The following COL26A1 variants were observed in gnomAD, a reference collection of about 807,000 sequenced individuals.
COL26A1 encodes collagen alpha-1(XXVI) chain.
Under a neutral mutation model 59.3 loss-of-function variants are expected in COL26A1, and 41 were observed. The observed-to-expected ratio is 0.69, with a 90% CI of 0.54 to 0.90. The LOEUF is 0.90. COL26A1 is among the 40% of genes least tolerant of loss of function. COL26A1 has a pLI of 0.00. For synonymous variants in COL26A1, 266 were observed against 256.0 expected, an observed-to-expected ratio of 1.04 and a Z score of -0.37; for missense variants, 612 against 602.3, an observed-to-expected ratio of 1.02 and a Z score of -0.17.
chr7:101,473,644 ACACACACACAAACAC>A (rs1793961081), intron 3 of COL26A1, among the ~76,000 whole-genome samples: 1 of 145,854 alleles, frequency 6.9e-6, no homozygotes, highest in African/African-American at 2.5e-5. Context: ...ACACACACAC[ACACACACACAAACAC>A]ACACAACAAA....
At chr7:101,399,452 T>TA (rs370508140) in intron 1 of COL26A1, among the ~76,000 whole-genome samples, 7 of 152,188 alleles carry the variant, frequency 4.6e-5, no homozygotes, top group African/African-American at 1.7e-4. Flanking sequence ...GCCTCCTGAG[T>TA]AGCTAGGATT....
chr7:101,552,431 G>A (rs945045249), intron 10 of COL26A1, among the ~76,000 whole-genome samples: 7 of 152,038 alleles, frequency 4.6e-5, no homozygotes, highest in Non-Finnish European at 7.4e-5. Flanking sequence ...ACAACATAGT[G>A]AGACCCACCC....
chr7:101,554,784 C>A (rs1462679153), intron 11 of COL26A1, among the ~76,000 whole-genome samples: 1 of 151,842 alleles, frequency 6.6e-6, no homozygotes, highest in Non-Finnish European at 1.5e-5. Context: ...ACAAAAAAAC[C>A]AACCACCTGT....
chr7:101,381,399 T>C (rs779518199), intron 1 of COL26A1, among the ~76,000 whole-genome samples: 10 of 152,202 alleles, frequency 6.6e-5, no homozygotes, highest in Non-Finnish European at 1.0e-4. Flanking sequence ...TCAACTTCAG[T>C]ATGCTTAATT....
chr7:101,467,152 G>A (rs1479255582), intron 3 of COL26A1, among the ~76,000 whole-genome samples: 1 of 151,982 alleles, frequency 6.6e-6, no homozygotes, highest in Admixed American at 6.6e-5. Flanking sequence ...CGGAAGTCAG[G>A]ACCTTTTGAA....
intron 3 of COL26A1, among the ~76,000 whole-genome samples, chr7:101,507,748 A>T (rs1159018153): frequency 1.3e-5 from 2 of 151,890 alleles, no homozygotes; most frequent in African/African-American, 4.8e-5. Flanking sequence ...TCACCCACCT[A>T]TCAGAACTGT....
At position 101,557,596 on chromosome 7, in the gene COL26A1, T is replaced by C. The variant is rs974271767; in HGVS notation, c.*66T>C. 3 of 1,493,334 alleles carry C rather than the reference T, an allele frequency of 2.0e-6. No individual in the cohort carries two copies. In the African/African-American group the frequency reaches 4.2e-5, roughly 21 times the overall value. The allele number at this position is 1,493,334 out of a possible 1,614,324, so 92.5% of individuals were successfully genotyped here. ...CAGCCCCAGAGGCCTGAGCCGCCGC[T>C]GTTTCCTAAAGATGCCCCCAGGGGA... On this transcript the variant is annotated 3_prime_UTR_variant, in exon 13 of 13. Coordinates refer to ENST00000313669, the MANE Select transcript of COL26A1 (RefSeq NM_001278563.3).
intron 3 of COL26A1, among the ~76,000 whole-genome samples, chr7:101,531,968 A>G (rs189138782): frequency 6.6e-6 from 1 of 152,200 alleles, no homozygotes; most frequent in East Asian, 1.9e-4. Context: ...CTATTCAGTT[A>G]CCCAAATACC....
intron 1 of COL26A1, among the ~76,000 whole-genome samples, chr7:101,404,515 G>GT (rs780076202): frequency 2.0e-5 from 3 of 152,140 alleles, no homozygotes; most frequent in Non-Finnish European, 4.4e-5. Context: ...ACCTTCCCAG[G>GT]GGAGCCAGAA....
chr7:101,454,013 T>C (rs983302557), intron 3 of COL26A1, among the ~76,000 whole-genome samples: 2 of 152,196 alleles, frequency 1.3e-5, no homozygotes, highest in African/African-American at 4.8e-5. Context: ...TGTCTATACA[T>C]GATCCATCTT....
At chr7:101,466,350 G>A (rs1793757253) in intron 3 of COL26A1, among the ~76,000 whole-genome samples, 1 of 152,036 alleles carries the variant, frequency 6.6e-6, no homozygotes, top group Admixed American at 6.6e-5. Context: ...CTGAATAAAT[G>A]GCCCTTGTTA....
chr7:101,450,769 TCTATATGAATATGAATTCCATAG>T (rs1793314235), intron 3 of COL26A1, among the ~76,000 whole-genome samples: 2 of 121,818 alleles, frequency 1.6e-5, no homozygotes, highest in African/African-American at 3.8e-5. Flanking sequence ...AATTCCATAG[TCTATATGAATATGAATTCCATAG>T]TCTATATGAA....
intron 3 of COL26A1, among the ~76,000 whole-genome samples, chr7:101,506,890 A>G (rs1293168652): frequency 6.6e-6 from 1 of 150,588 alleles, no homozygotes; most frequent in African/African-American, 2.4e-5. Context: ...CCCTGCACAC[A>G]TCCAAAAGCA....
chr7:101,374,560 C>T (rs911137535), intron 1 of COL26A1, among the ~76,000 whole-genome samples: 2 of 152,108 alleles, frequency 1.3e-5, no homozygotes, highest in Non-Finnish European at 2.9e-5. Context: ...GAGCTCCAGC[C>T]CTGTTGTAAA....
intron 1 of COL26A1, among the ~76,000 whole-genome samples, chr7:101,400,824 G>T (rs1253256095): frequency 2.6e-5 from 4 of 152,136 alleles, no homozygotes; most frequent in Non-Finnish European, 5.9e-5. Context: ...CTCCCAAAGT[G>T]CTGGGATTAC....
At chr7:101,518,172 A>T (rs917161874) in intron 3 of COL26A1, among the ~76,000 whole-genome samples, 1 of 152,216 alleles carries the variant, frequency 6.6e-6, no homozygotes, top group Non-Finnish European at 1.5e-5. Flanking sequence ...ATGGCCAGAG[A>T]ACCTTGCCCG....
At position 101,363,085 on chromosome 7, in the gene COL26A1, C is replaced by T. The variant is rs778344638; in HGVS notation, c.53C>T (p.Ala18Val). Residue 18 changes from alanine to valine, a missense_variant, in exon 1 of 13, where the codon GCG becomes GTG. By Grantham distance (64) the Ala-to-Val change is moderately conservative (BLOSUM62 0). Transcript: ENST00000313669. ...GCGTGTTGCTGCCTCTGCGGGTCGG[C>T]GCTGGCCACCGGCTTCCTCTATCCC... is the stretch of plus-strand genomic sequence containing the variant. ...PWACCCLCGS[A>V]LATGFLYPFS... 2.5e-6 allele frequency: 4 copies of T among 1,575,012 alleles called. No individual in the cohort carries two copies. Among genetic ancestry groups the T allele is most frequent in the East Asian group, 2.3e-5 (1 of 42,868 alleles).
chr7:101,555,347 C>T (rs1168267531), intron 11 of COL26A1, among the ~76,000 whole-genome samples: 2 of 152,260 alleles, frequency 1.3e-5, no homozygotes, highest in East Asian at 3.9e-4. Context: ...TGGTGGCGAG[C>T]TCTTGGGCAT....
At chr7:101,529,538 C>A (rs189901020) in intron 3 of COL26A1, among the ~76,000 whole-genome samples, 1 of 152,148 alleles carries the variant, frequency 6.6e-6, no homozygotes, top group Non-Finnish European at 1.5e-5. Context: ...AGATTACAGG[C>A]GTGAGCCACC....
Sources: gnomAD v4.1 joint callset for allele counts (sites outside exome capture counted in the v4.1 genomes callset) on GRCh38, gnomAD v4.1.1 for gene constraint, MANE v1.5 for transcripts, NCBI Gene and HGNC (gene_info 2026-07-23, HGNC 2026-07-21) for gene names.